The following PELI1 variants were observed in gnomAD, a reference collection of about 807,000 sequenced individuals.
PELI1 encodes the protein pellino E3 ubiquitin protein ligase 1, also known as E3 ubiquitin-protein ligase pellino homolog 1.
Under a neutral mutation model 41.3 loss-of-function variants are expected in PELI1, and 15 were observed. That is an observed-to-expected ratio of 0.36 (90% confidence interval 0.24 to 0.56). The LOEUF (loss-of-function observed/expected upper bound fraction) is 0.56, where lower values mean the gene tolerates loss of function less well. Ranked by LOEUF, PELI1 falls within the 20% of genes least tolerant of loss-of-function variation. The probability of loss-of-function intolerance (pLI) is 0.82; values close to 1 mark genes in which losing one functional copy is unlikely to be tolerated. For synonymous variants in PELI1, 178 were observed against 180.1 expected, an observed-to-expected ratio of 0.99 and a Z score of 0.09; for missense variants, 403 against 525.5, an observed-to-expected ratio of 0.77 and a Z score of 2.28.
At chr2:64,118,499 C>A (rs1681093467) in intron 1 of PELI1, among the ~76,000 whole-genome samples, 1 of 152,042 alleles carries the variant, frequency 6.6e-6, no homozygotes, top group African/African-American at 2.4e-5. Context: ...AAAAAAAGTT[C>A]AATTATACTT....
At chr2:64,122,912 C>T (rs1211021259) in intron 1 of PELI1, among the ~76,000 whole-genome samples, 1 of 152,094 alleles carries the variant, frequency 6.6e-6, no homozygotes, top group Non-Finnish European at 1.5e-5. Flanking sequence ...ATTTTCCTTC[C>T]AATTTCATTT....
chr2:64,100,731 T>C (rs111404496), intron 3 of PELI1, among the ~76,000 whole-genome samples: 11,594 of 152,108 alleles, frequency 0.076, 638 homozygotes, highest in African/African-American at 0.16. Context: ...CATAACTTTC[T>C]TTCTTTTTTT....
intron 1 of PELI1, among the ~76,000 whole-genome samples, chr2:64,130,072 G>A (rs7562080): frequency 0.83 from 126,758 of 152,174 alleles, 53,345 homozygotes; most frequent in East Asian, 0.96. Context: ...TTGATTTTGA[G>A]ATTTTGAATC....
chr2:64,121,759 G>T (rs972297027), intron 1 of PELI1, among the ~76,000 whole-genome samples: 1 of 152,052 alleles, frequency 6.6e-6, no homozygotes, highest in Non-Finnish European at 1.5e-5. Context: ...TATAAAATTA[G>T]CCAGGCGTGG....
intron 3 of PELI1, among the ~76,000 whole-genome samples, chr2:64,103,173 T>C (rs1415389603): frequency 1.3e-5 from 2 of 152,032 alleles, no homozygotes; most frequent in East Asian, 1.9e-4. Context: ...AAGATTCTTA[T>C]TGCCTAGTAA....
At chr2:64,133,270 A>T (rs1681613790) in intron 1 of PELI1, among the ~76,000 whole-genome samples, 1 of 152,178 alleles carries the variant, frequency 6.6e-6, no homozygotes, top group Non-Finnish European at 1.5e-5. Context: ...GCTATCCCTG[A>T]CTACAAAGAA....
At chr2:64,137,582 C>T (rs372896247) in intron 1 of PELI1, among the ~76,000 whole-genome samples, 1 of 152,022 alleles carries the variant, frequency 6.6e-6, no homozygotes, top group East Asian at 1.9e-4. Context: ...TACCCTTATT[C>T]CAAATGATGC....
In PELI1 at chr2:64,110,448, G is replaced by A. The variant is rs193146914; in HGVS notation, c.-69-2069C>T. 2.6e-5 allele frequency among the ~76,000 whole-genome samples: 4 copies of A among 152,062 alleles called. No individual in the cohort carries two copies. The East Asian group carries it at 7.7e-4, about 29-fold the overall frequency. Reference sequence around the variant, plus strand: ...ATTCTCAGACGAGGAAAAATTGAGAGAATTTGTTACCAGCAGACCCACTAT... The same window carrying A: ...ATTCTCAGACGAGGAAAAATTGAGAAAATTTGTTACCAGCAGACCCACTAT... On this transcript the variant is annotated intron_variant, in intron 1 of 6. Coordinates refer to ENST00000358912, the MANE Select transcript of PELI1 (RefSeq NM_020651.4).
intron 1 of PELI1, among the ~76,000 whole-genome samples, chr2:64,124,554 C>T (rs1173260797): frequency 3.3e-5 from 5 of 152,212 alleles, no homozygotes; most frequent in Non-Finnish European, 7.3e-5. Flanking sequence ...GATAAATTTT[C>T]ACAAGCAAAA....
At chr2:64,128,654 T>C (rs541136106) in intron 1 of PELI1, among the ~76,000 whole-genome samples, 4 of 152,302 alleles carry the variant, frequency 2.6e-5, no homozygotes, top group African/African-American at 9.6e-5. Flanking sequence ...CTGTTATCTT[T>C]GTCCTAATTA....
intron 2 of PELI1, among the ~76,000 whole-genome samples, chr2:64,107,358 C>T (rs918916716): frequency 2.6e-5 from 4 of 152,216 alleles, no homozygotes; most frequent in Non-Finnish European, 4.4e-5. Context: ...ACAGAATCAT[C>T]TATTCCTCAA....
chr2:64,130,046 A>G (rs1365710971), intron 1 of PELI1, among the ~76,000 whole-genome samples: 1 of 152,220 alleles, frequency 6.6e-6, no homozygotes, highest in African/African-American at 2.4e-5. Flanking sequence ...ATGTGTCCCA[A>G]TAAGCTATGT....
At position 64,095,026 on chromosome 2, in the gene PELI1, G is replaced by A. The variant is rs771996771; in HGVS notation, c.933C>T (p.Cys311=). The A allele has an allele frequency of 1.3e-5, 21 of 1,613,946 alleles. No individual in the cohort carries two copies. The highest frequency in any genetic ancestry group is 5.5e-5 in the South Asian group (5 of 91,082). ...DEKQPWVYLN[C]GHVHGYHNWG... ...AGTTATGATAGCCATGTACATGGCC[G>A]CAGTTTAGATATACCCATGGTTGTT... Residue 311 remains cysteine (C), a synonymous_variant, in exon 7 of 7, where the codon TGC becomes TGT. Coordinates refer to ENST00000358912, the MANE Select transcript of PELI1 (RefSeq NM_020651.4).
intron 3 of PELI1, among the ~76,000 whole-genome samples, chr2:64,100,828 G>A (rs1050369087): frequency 3.3e-5 from 5 of 152,104 alleles, no homozygotes; most frequent in African/African-American, 9.7e-5. Context: ...CCAGGTTCAA[G>A]TGGTTCTCCT....
chr2:64,136,029 T>C (rs1340829293), intron 1 of PELI1, among the ~76,000 whole-genome samples: 2 of 152,210 alleles, frequency 1.3e-5, no homozygotes, highest in African/African-American at 4.8e-5. Context: ...TCTCTTTCTC[T>C]TCCGTCAGAA....
intron 5 of PELI1, 38 bp from the exon 6 acceptor site, chr2:64,096,351 CT>C: frequency 6.3e-7 from 1 of 1,598,464 alleles, no homozygotes; most frequent in Non-Finnish European, 8.6e-7. Flanking sequence ...CAACTTGTAA[CT>C]TGTAACTTGG....
chr2:64,129,773 C>T (rs950511374), intron 1 of PELI1, among the ~76,000 whole-genome samples: 1 of 152,070 alleles, frequency 6.6e-6, no homozygotes, highest in African/African-American at 2.4e-5. Flanking sequence ...CAAATAAATA[C>T]ATTGCTGATT....
At chr2:64,136,987 A>G (rs1460131796) in intron 1 of PELI1, among the ~76,000 whole-genome samples, 3 of 152,234 alleles carry the variant, frequency 2.0e-5, no homozygotes, top group African/African-American at 4.8e-5. Context: ...TCTTTACTCA[A>G]TATTATCAGG....
At chr2:64,095,306 C>CT (rs754043350) in intron 6 of PELI1, 38 bp from the exon 7 acceptor site, 1 of 1,453,204 alleles carries the variant, frequency 6.9e-7, no homozygotes, top group Non-Finnish European at 9.6e-7. Flanking sequence ...ATTCACCACT[C>CT]TGTTTTGGAT....
Sources: allele counts gnomAD v4.1 joint callset (sites outside exome capture counted in the v4.1 genomes callset), GRCh38; gene constraint gnomAD v4.1.1; transcripts MANE v1.5; gene names NCBI Gene and HGNC (gene_info 2026-07-23, HGNC 2026-07-21).